The following NXPE4 variants were observed in gnomAD, a reference collection of about 807,000 sequenced individuals.
The protein encoded by NXPE4 is NXPE family member 4.
NXPE4 carries 42 observed loss-of-function variants against 33.3 expected under a neutral mutation model. The observed-to-expected ratio is 1.26, with a 90% CI of 0.98 to 1.63. The LOEUF (loss-of-function observed/expected upper bound fraction) is 1.63, where lower values mean the gene tolerates loss of function less well. Ranked by LOEUF, NXPE4 falls within the 40% of genes most tolerant of loss-of-function variation. The pLI is 0.00. For synonymous variants in NXPE4, 253 were observed against 234.9 expected (o/e 1.08, Z -0.71); for missense variants, 709 against 647.6 (o/e 1.09, Z -1.03).
Position 114,579,267 on chromosome 11 carries a change from G to A in NXPE4, c.1099+865C>T, listed in dbSNP as rs188031893. On this transcript the variant is annotated intron_variant, in intron 5 of 5. Transcript: ENST00000375478. The stretch of plus-strand genomic sequence containing the variant: ...GAACTCACTCATTACCATGGGGAGG[G>A]CACCAAGCCAGTCATGAGAGATCCA... 4.7e-4 allele frequency among the ~76,000 whole-genome samples: 72 copies of A among 152,256 alleles called. 1 individual carries two copies. The East Asian group carries it at 7.5e-3, about 16-fold the overall frequency.
the NXPE4 span, among the ~76,000 whole-genome samples, chr11:114,632,296 C>T: frequency 7.6e-6 from 1 of 131,474 alleles, no homozygotes; most frequent in Non-Finnish European, 1.6e-5. Flanking sequence ...GTATATTATC[C>T]ACCACCACCA....
chr11:114,634,183 TG>T, the NXPE4 span, among the ~76,000 whole-genome samples: 1 of 151,714 alleles, frequency 6.6e-6, no homozygotes, highest in Non-Finnish European at 1.5e-5. Context: ...TATCTCATTG[TG>T]GTTTTGATTT....
the NXPE4 span, among the ~76,000 whole-genome samples, chr11:114,643,964 G>A: frequency 1.3e-5 from 2 of 152,028 alleles, no homozygotes; most frequent in East Asian, 3.9e-4. Flanking sequence ...AGTTCCCCTT[G>A]AAGAGGTCCT....
At chr11:114,664,767 G>T in the NXPE4 span, among the ~76,000 whole-genome samples, 4 of 152,118 alleles carry the variant, frequency 2.6e-5, no homozygotes, top group African/African-American at 9.7e-5. Flanking sequence ...CTAGCAATAT[G>T]CTGTAGGATA....
At chr11:114,622,043 A>C in the NXPE4 span, among the ~76,000 whole-genome samples, 1 of 152,056 alleles carries the variant, frequency 6.6e-6, no homozygotes, top group East Asian at 1.9e-4. Flanking sequence ...CCCAGTGGAT[A>C]ATAAGTATTC....
At chr11:114,677,009 T>A in the NXPE4 span, among the ~76,000 whole-genome samples, 2 of 152,146 alleles carry the variant, frequency 1.3e-5, no homozygotes, top group South Asian at 4.1e-4. Context: ...AATGGGCCAA[T>A]CACAGAACAC....
chr11:114,616,065 A>G, the NXPE4 span, among the ~76,000 whole-genome samples: 1 of 150,694 alleles, frequency 6.6e-6, no homozygotes, highest in Admixed American at 6.6e-5. Context: ...GTATTGCCTC[A>G]TGGGTAAACA....
the NXPE4 span, among the ~76,000 whole-genome samples, chr11:114,625,750 T>G: frequency 6.6e-6 from 1 of 152,146 alleles, no homozygotes; most frequent in South Asian, 2.1e-4. Flanking sequence ...TTTCTGCATT[T>G]CCATCTGAGG....
chr11:114,572,014 C>T (rs1948900646), intron 5 of NXPE4, among the ~76,000 whole-genome samples: 1 of 152,200 alleles, frequency 6.6e-6, no homozygotes, highest in Non-Finnish European at 1.5e-5. Context: ...CCCCTGCTAA[C>T]TCCACTGGAG....
At chr11:114,625,826 T>G in the NXPE4 span, among the ~76,000 whole-genome samples, 8 of 152,030 alleles carry the variant, frequency 5.3e-5, no homozygotes, top group Non-Finnish European at 8.8e-5. Context: ...GCACACCACG[T>G]GCAAGCTGAA....
chr11:114,653,196 A>G, the NXPE4 span, among the ~76,000 whole-genome samples: 1 of 152,206 alleles, frequency 6.6e-6, no homozygotes, highest in South Asian at 2.1e-4. Flanking sequence ...TTAAAACAAA[A>G]CATTTATTAT....
At chr11:114,652,411 C>A in the NXPE4 span, among the ~76,000 whole-genome samples, 5 of 152,240 alleles carry the variant, frequency 3.3e-5, no homozygotes, top group East Asian at 9.7e-4. Flanking sequence ...ATTCAGTGTC[C>A]AGAGTGAGAT....
chr11:114,591,637 G>A (rs979236713), intron 2 of NXPE4, among the ~76,000 whole-genome samples: 1 of 152,138 alleles, frequency 6.6e-6, no homozygotes, highest in African/African-American at 2.4e-5. Flanking sequence ...CCCTCAGGAT[G>A]ACTACAGTCA....
At chr11:114,612,139 G>A in the NXPE4 span, among the ~76,000 whole-genome samples, 2 of 151,782 alleles carry the variant, frequency 1.3e-5, no homozygotes, top group African/African-American at 4.8e-5. Context: ...TTGTTGCCTC[G>A]TGGGTAACCA....
upstream of NXPE4, among the ~76,000 whole-genome samples, chr11:114,596,088 C>T (rs1949568358): frequency 6.6e-6 from 1 of 152,166 alleles, no homozygotes; most frequent in African/African-American, 2.4e-5. Context: ...GAAAGTCAAA[C>T]TTTCTAGTTT....
At chr11:114,635,027 G>C in the NXPE4 span, among the ~76,000 whole-genome samples, 2 of 151,840 alleles carry the variant, frequency 1.3e-5, no homozygotes, top group Admixed American at 1.3e-4. Flanking sequence ...TGATGGGGAT[G>C]GCATTGAGTC....
At chr11:114,590,043 A>G (rs1048466743) in intron 2 of NXPE4, among the ~76,000 whole-genome samples, 2 of 152,166 alleles carry the variant, frequency 1.3e-5, no homozygotes, top group Admixed American at 1.3e-4. Context: ...CCTTTGAAGA[A>G]TGCTTCTGGC....
the NXPE4 span, among the ~76,000 whole-genome samples, chr11:114,622,013 C>T: frequency 1.3e-5 from 2 of 152,064 alleles, no homozygotes; most frequent in East Asian, 3.9e-4. Flanking sequence ...TAAGTACTGG[C>T]TCATGGGTAA....
At chr11:114,603,624 C>T in the NXPE4 span, among the ~76,000 whole-genome samples, 1 of 151,588 alleles carries the variant, frequency 6.6e-6, no homozygotes, top group Non-Finnish European at 1.5e-5. Flanking sequence ...GCCTTGTCTC[C>T]TAGGTAACTC....
Sources: allele counts gnomAD v4.1 joint callset (sites outside exome capture counted in the v4.1 genomes callset), GRCh38; gene constraint gnomAD v4.1.1; transcripts MANE v1.5; gene names NCBI Gene and HGNC (gene_info 2026-07-23, HGNC 2026-07-21).